The following KIF26B variants were observed in gnomAD, a reference collection of about 807,000 sequenced individuals.
The protein encoded by KIF26B is kinesin family member 26B.
Under a neutral mutation model 151.2 loss-of-function variants are expected in KIF26B, and 63 were observed. The ratio of observed to expected loss-of-function variants is 0.42; its 90% CI spans 0.34 to 0.51. The LOEUF (loss-of-function observed/expected upper bound fraction) is 0.51. Ranked by LOEUF, KIF26B falls within the 20% of genes least tolerant of loss-of-function variation. KIF26B has a pLI of 0.07. For missense variants in KIF26B, 2,813 were observed against 2,913.6 expected, an observed-to-expected ratio of 0.97 and a Z score of 0.79; for synonymous variants, 1,357 against 1,262.1, an observed-to-expected ratio of 1.08 and a Z score of -1.59.
At chr1:245,624,963 GT>G (rs1211538867) in intron 9 of KIF26B, among the ~76,000 whole-genome samples, 2 of 151,978 alleles carry the variant, frequency 1.3e-5, no homozygotes, top group African/African-American at 4.8e-5. Context: ...GAGGTTAGGT[GT>G]TTTTTTGTGT....
chr1:245,164,582 G>A (rs1216285884), intron 2 of KIF26B, among the ~76,000 whole-genome samples: 1 of 152,190 alleles, frequency 6.6e-6, no homozygotes, highest in Admixed American at 6.5e-5. Flanking sequence ...GGGGTGATGC[G>A]TGCCCCCTAC....
chr1:245,630,089 G>T (rs762172897), intron 9 of KIF26B, among the ~76,000 whole-genome samples: 1 of 151,994 alleles, frequency 6.6e-6, no homozygotes, highest in Non-Finnish European at 1.5e-5. Context: ...ACAATAGATG[G>T]TGGCAAGGCT....
At chr1:245,588,400 G>C (rs2043249989) in intron 5 of KIF26B, among the ~76,000 whole-genome samples, 1 of 152,174 alleles carries the variant, frequency 6.6e-6, no homozygotes, top group Admixed American at 6.5e-5. Context: ...CGGAGGGGCG[G>C]TGAAGGGAAT....
At chr1:245,177,189 A>G (rs1230990222) in intron 2 of KIF26B, among the ~76,000 whole-genome samples, 4 of 152,144 alleles carry the variant, frequency 2.6e-5, no homozygotes, top group African/African-American at 9.7e-5. Context: ...GCCTGGCCTC[A>G]CGCCTCCTGC....
intron 4 of KIF26B, among the ~76,000 whole-genome samples, chr1:245,466,556 G>C (rs1659796539): frequency 6.6e-6 from 1 of 152,202 alleles, no homozygotes; most frequent in African/African-American, 2.4e-5. Context: ...TGAAAGAAAG[G>C]GGAATGTGTG....
Position 245,192,023 on chromosome 1 carries a change from G to A in KIF26B, c.465+35340G>A, listed in dbSNP as rs1453029548. Among the ~76,000 whole-genome samples the A allele has an allele frequency of 2.6e-5, 4 of 152,062 alleles. No individual in the cohort carries two copies. The East Asian group carries it at 7.7e-4, about 29-fold the overall frequency. ...AAAATTATTCTTACTCCTTGACCTG[G>A]TAGTTCTATTTCTGGGAATCTATCT... is the stretch of plus-strand genomic sequence containing the variant. On this transcript the variant is annotated intron_variant, in intron 2 of 14. Coordinates refer to ENST00000407071, the MANE Select transcript of KIF26B (RefSeq NM_018012.4).
intron 3 of KIF26B, among the ~76,000 whole-genome samples, chr1:245,390,181 T>G (rs1036662043): frequency 1.5e-4 from 22 of 151,718 alleles, no homozygotes; most frequent in South Asian, 4.2e-4. Flanking sequence ...GAGGGTTTTT[T>G]TTTTTTTAAG....
chr1:245,296,944 T>C (rs1671347374), intron 2 of KIF26B, among the ~76,000 whole-genome samples: 1 of 152,230 alleles, frequency 6.6e-6, no homozygotes, highest in African/African-American at 2.4e-5. Flanking sequence ...GCCTTGTTTT[T>C]CTGTGTATAT....
intron 2 of KIF26B, among the ~76,000 whole-genome samples, chr1:245,175,419 G>A (rs1187107836): frequency 6.6e-6 from 1 of 152,134 alleles, no homozygotes; most frequent in East Asian, 1.9e-4. Context: ...GATCATGATG[G>A]ATTATTCAGG....
In KIF26B at chr1:245,282,513, G is replaced by A. The variant is rs118147608; in HGVS notation, c.466-84321G>A. ...CCCACCTGTTCCTAGCAACATGGCC[G>A]CCCCCACGTATCCCCAAGTGTGTAG... On this transcript the variant is annotated intron_variant, in intron 2 of 14. Coordinates refer to ENST00000407071, the MANE Select transcript of KIF26B (RefSeq NM_018012.4). Among the ~76,000 whole-genome samples the A allele has an allele frequency of 2.5e-3, 386 of 152,202 alleles. 5 individuals carry two copies. In the East Asian group the frequency reaches 0.048, roughly 19 times the overall value.
rs190318015 is a variant in KIF26B at position 245,685,638 on chromosome 1, C to A, written c.2655C>A (p.Gly885=). 1,390 of 1,613,232 alleles carry A rather than the reference C, an allele frequency of 8.6e-4. 15 individuals carry two copies. The African/African-American group carries it at 0.016, about 19-fold the overall frequency. The change falls in exon 12 of 15, where the codon GGC becomes GGA. Residue 885 remains glycine (G), a synonymous_variant. Coordinates refer to ENST00000407071, the MANE Select transcript of KIF26B (RefSeq NM_018012.4). ...LSDKELTDNE[G]PPDFVPIVPA... Reference sequence around the variant, plus strand: ...ACAAGGAGCTCACCGACAACGAGGGCCCCCCAGACTTTGTCCCTATCGTGC... The same window carrying A: ...ACAAGGAGCTCACCGACAACGAGGGACCCCCAGACTTTGTCCCTATCGTGC...
chr1:245,659,354 C>G (rs1280744708), intron 10 of KIF26B, among the ~76,000 whole-genome samples: 1 of 152,176 alleles, frequency 6.6e-6, no homozygotes, highest in Non-Finnish European at 1.5e-5. Flanking sequence ...GAGTCTGACA[C>G]CCACCTTCAA....
At chr1:245,328,516 A>C (rs1214328983) in intron 2 of KIF26B, among the ~76,000 whole-genome samples, 1 of 152,162 alleles carries the variant, frequency 6.6e-6, no homozygotes, top group Admixed American at 6.5e-5. Flanking sequence ...ATTTGCTGTA[A>C]GCATTGCCTG....
At chr1:245,574,928 G>A (rs565458442) in intron 5 of KIF26B, among the ~76,000 whole-genome samples, 1 of 145,174 alleles carries the variant, frequency 6.9e-6, no homozygotes, top group South Asian at 2.2e-4. Context: ...CCAGTGGCGC[G>A]ATCTCGGCTC....
intron 5 of KIF26B, among the ~76,000 whole-genome samples, chr1:245,570,639 T>C (rs1264301281): frequency 6.6e-6 from 1 of 152,228 alleles, no homozygotes; most frequent in East Asian, 1.9e-4. Context: ...TTTTCAGAGA[T>C]TTCTGAGCAT....
At position 245,707,807 on chromosome 1, in the gene KIF26B, C is replaced by A. The variant is rs2044860468; in HGVS notation, c.*5201C>A. 1 of 152,102 alleles carries A rather than the reference C, an allele frequency of 6.6e-6. No individual in the cohort carries two copies. Among genetic ancestry groups the A allele is most frequent in the Admixed American group, 6.5e-5 (1 of 15,280 alleles). 9.4% of individuals were successfully genotyped at this position (152,102 alleles called of 1,614,324 possible). ...ATGAGAATGGGCTTGGAAATCCACG[C>A]CCACCGGCTTGCACGGAAGAGGACT... On this transcript the variant is annotated 3_prime_UTR_variant, in exon 15 of 15. Coordinates refer to ENST00000407071, the MANE Select transcript of KIF26B (RefSeq NM_018012.4).
At chr1:245,696,457 CA>C (rs1487502480) in intron 12 of KIF26B, among the ~76,000 whole-genome samples, 3 of 152,036 alleles carry the variant, frequency 2.0e-5, no homozygotes, top group Admixed American at 6.6e-5. Context: ...AACCACCTGG[CA>C]AAAATTGCTC....
At chr1:245,634,095 C>G (rs546027572) in intron 9 of KIF26B, among the ~76,000 whole-genome samples, 2 of 152,158 alleles carry the variant, frequency 1.3e-5, no homozygotes, top group Non-Finnish European at 2.9e-5. Flanking sequence ...ATTACCGGTG[C>G]GAGGCACCAC....
At chr1:245,663,076 G>T (rs1160543038) in intron 10 of KIF26B, among the ~76,000 whole-genome samples, 1 of 150,300 alleles carries the variant, frequency 6.7e-6, no homozygotes, top group Non-Finnish European at 1.5e-5. Flanking sequence ...AATTTTAGCT[G>T]CCCTGATCTC....
Sources: allele counts gnomAD v4.1 joint callset (sites outside exome capture counted in the v4.1 genomes callset), GRCh38; gene constraint gnomAD v4.1.1; transcripts MANE v1.5; gene names NCBI Gene and HGNC (gene_info 2026-07-23, HGNC 2026-07-21).